The following RAB33A variants were observed in gnomAD, a reference collection of about 807,000 sequenced individuals.
RAB33A encodes the protein RAB33A, member RAS oncogene family, also known as ras-related protein Rab-33A.
A neutral mutation model predicts 12.0 loss-of-function variants in RAB33A; 6 were observed. That is an observed-to-expected ratio of 0.50 (90% CI 0.27 to 0.99). RAB33A has a LOEUF of 0.99. RAB33A is among the 50% of genes least tolerant of loss of function. RAB33A has a pLI of 0.11. For synonymous variants in RAB33A, 70 were observed against 82.4 expected (o/e 0.85, Z 0.81); for missense variants, 109 against 192.0 (o/e 0.57, Z 2.55).
chrX:130,128,773 A>G, the RAB33A span, among the ~76,000 whole-genome samples: 1 of 111,402 alleles, frequency 9.0e-6, no homozygotes, highest in Non-Finnish European at 1.9e-5. Context: ...GAGTCAAGAG[A>G]TGATGGTCCT....
chrX:130,175,492 C>CTTTTTTTT (rs5903795), intron 1 of RAB33A, among the ~76,000 whole-genome samples: 2 of 75,586 alleles, frequency 2.6e-5, no homozygotes, highest in Non-Finnish European at 4.8e-5. Context: ...ACTGGGTTTA[C>CTTTTTTTT]TTTTTTTTTT....
chrX:130,129,380 G>T, the RAB33A span: 1 of 471,448 alleles, frequency 2.1e-6, no homozygotes, highest in Non-Finnish European at 3.7e-6. Flanking sequence ...AGAAGAATCA[G>T]AATTTATTTC....
At chrX:130,158,629 C>T in the RAB33A span, among the ~76,000 whole-genome samples, 6 of 104,162 alleles carry the variant, frequency 5.8e-5, no homozygotes, top group African/African-American at 1.8e-4. Flanking sequence ...TTGGCTTCCC[C>T]GAGCCACATG....
the RAB33A span, among the ~76,000 whole-genome samples, chrX:130,147,012 A>C: frequency 9.0e-6 from 1 of 111,046 alleles, no homozygotes; most frequent in Non-Finnish European, 1.9e-5. Flanking sequence ...AATACAAAAA[A>C]TTAGCCGGGT....
chrX:130,158,605 G>A, the RAB33A span, among the ~76,000 whole-genome samples: 3 of 106,879 alleles, frequency 2.8e-5, no homozygotes, highest in African/African-American at 1.0e-4. Flanking sequence ...TCTAGAGCAG[G>A]TATATCCTAT....
At chrX:130,165,517 C>T in the RAB33A span, 1 of 1,134,481 alleles carries the variant, frequency 8.8e-7, no homozygotes, top group Admixed American at 2.5e-5. Context: ...GCCAGGCCCT[C>T]GGACTTGGAG....
the RAB33A span, chrX:130,137,118 G>A: frequency 4.1e-6 from 5 of 1,211,381 alleles, no homozygotes; most frequent in South Asian, 5.3e-5. Context: ...TGAGGTATTC[G>A]GGGAGGATCT....
At chrX:130,172,730 G>C in intron 1 of RAB33A, among the ~76,000 whole-genome samples, 1 of 111,692 alleles carries the variant, frequency 9.0e-6, no homozygotes, top group East Asian at 2.8e-4. Flanking sequence ...CTTGGGTGCC[G>C]ATAGGCTGCA....
the RAB33A span, among the ~76,000 whole-genome samples, chrX:130,120,235 T>G: frequency 9.7e-6 from 1 of 102,749 alleles, no homozygotes; most frequent in East Asian, 2.8e-4. Flanking sequence ...TTGTTTTTTG[T>G]TTTTTTTTCT....
intron 1 of RAB33A, among the ~76,000 whole-genome samples, chrX:130,178,081 A>G (rs2031681072): frequency 9.0e-6 from 1 of 111,452 alleles, no homozygotes; most frequent in Non-Finnish European, 1.9e-5. Context: ...AGGCCGAGGC[A>G]GGATGATTGC....
At chrX:130,182,179 T>TATATATACACAC (rs370694549) in intron 1 of RAB33A, among the ~76,000 whole-genome samples, 4,748 of 72,336 alleles carry the variant, frequency 0.066, 257 homozygotes, top group Middle Eastern at 0.13. Flanking sequence ...TATATATATA[T>TATATATACACAC]ATACACATAT....
At position 130,184,328 on chromosome X, in the gene RAB33A, G is replaced by C. The variant is rs1274238232; in HGVS notation, c.302G>C (p.Ser101Thr). 1.7e-6 allele frequency: 2 copies of C among 1,211,773 alleles called. No homozygotes were observed. The highest frequency in any genetic ancestry group is 5.9e-5 in the East Asian group (2 of 33,874). ...GCAGGTCAGGAACGTTTCCGCAAAA[G>C]CATGGTCGAGCATTACTACCGCAAC... ...DTAGQERFRK[S>T]MVEHYYRNVH... The change falls in exon 2 of 2, where the codon AGC becomes ACC. Residue 101 changes from serine to threonine, a missense_variant. Ser to Thr is a moderately conservative substitution (Grantham distance 58). Transcript: ENST00000257017.
At chrX:130,148,061 T>C in the RAB33A span, 1 of 535,266 alleles carries the variant, frequency 1.9e-6, no homozygotes, top group South Asian at 3.0e-5. Context: ...AAGTATCCCT[T>C]TCATTTCATA....
chrX:130,166,467 C>T, the RAB33A span, among the ~76,000 whole-genome samples: 1 of 112,322 alleles, frequency 8.9e-6, no homozygotes, highest in African/African-American at 3.2e-5. Context: ...AGCGTTCGTG[C>T]TTCTCGGACT....
the RAB33A span, among the ~76,000 whole-genome samples, chrX:130,146,544 T>A: frequency 9.2e-6 from 1 of 108,963 alleles, no homozygotes; most frequent in Non-Finnish European, 1.9e-5. Flanking sequence ...AAAGTATACA[T>A]CCTGTTTGAA....
At chrX:130,181,007 CAAAAAAAAAAAAAA>C (rs60085312) in intron 1 of RAB33A, among the ~76,000 whole-genome samples, 2 of 8,125 alleles carry the variant, frequency 2.5e-4, no homozygotes, top group African/African-American at 6.8e-4. Flanking sequence ...CAGTCCATCT[CAAAAAAAAAAAAAA>C]AAAAAAAAAA....
the RAB33A span, among the ~76,000 whole-genome samples, chrX:130,115,680 AGAG>A: frequency 1.0e-5 from 1 of 96,648 alleles, no homozygotes; most frequent in Non-Finnish European, 2.0e-5. Context: ...AGAGAGAGAG[AGAG>A]GAAGGAAGGA....
At chrX:130,152,631 A>G in the RAB33A span, among the ~76,000 whole-genome samples, 1 of 112,221 alleles carries the variant, frequency 8.9e-6, no homozygotes, top group African/African-American at 3.2e-5. Context: ...AATCTCATTA[A>G]CTATTCTAAA....
At chrX:130,182,927 C>T (rs935529227) in intron 1 of RAB33A, among the ~76,000 whole-genome samples, 5 of 110,000 alleles carry the variant, frequency 4.5e-5, no homozygotes, top group South Asian at 4.1e-4. Context: ...CTTTTTGAGA[C>T]GGAGTCTCAC....
Sources: allele counts gnomAD v4.1 joint callset (sites outside exome capture counted in the v4.1 genomes callset), GRCh38; gene constraint gnomAD v4.1.1; transcripts MANE v1.5; gene names NCBI Gene and HGNC (gene_info 2026-07-23, HGNC 2026-07-21).